ARHGEF17: variants seen among roughly 807,000 people sequenced by gnomAD.
ARHGEF17 encodes 164 kDa Rho-specific guanine-nucleotide exchange factor.
ARHGEF17 carries 80 observed loss-of-function variants against 174.0 expected under a neutral mutation model. The ratio of observed to expected loss-of-function variants is 0.46; its 90% CI spans 0.38 to 0.55. ARHGEF17 has a LOEUF of 0.55. Among genes scored for constraint, ARHGEF17 ranks in the 20% least tolerant of loss-of-function variants. The pLI, the probability that ARHGEF17 is intolerant of heterozygous loss-of-function variation, is 0.00. For synonymous variants in ARHGEF17, 1,311 were observed against 1,189.1 expected, an observed-to-expected ratio of 1.10 and a Z score of -2.11; for missense variants, 2,886 against 2,839.7, an observed-to-expected ratio of 1.02 and a Z score of -0.37.
chr11:73,311,656 C>T lies in ARHGEF17; in HGVS notation c.3018C>T (p.Val1006=). 2.5e-6 allele frequency: 4 copies of T among 1,613,452 alleles called. No homozygotes were observed. The highest frequency in any genetic ancestry group is 3.4e-6 in the Non-Finnish European group (4 of 1,180,016). The change falls in exon 1 of 21, where the codon GTC becomes GTT. Residue 1006 remains valine (V), a synonymous_variant. Transcript: ENST00000263674. ...PTLQAPSLED[V]TKQYMLNLHS... ...TGCAGGCACCATCGCTCGAGGACGT[C>T]ACCAAGCAGTACATGCTGAACCTGC...
chr11:73,322,689 G>A (rs1865035428), intron 1 of ARHGEF17, among the ~76,000 whole-genome samples: 1 of 152,132 alleles, frequency 6.6e-6, no homozygotes, highest in Non-Finnish European at 1.5e-5. Context: ...GGCTCTGTGT[G>A]GGCAGGAACC....
At position 73,334,735 on chromosome 11, in the gene ARHGEF17, C is replaced by T. The variant is rs555889615; in HGVS notation, c.3193-12148C>T. On this transcript the variant is annotated intron_variant, in intron 1 of 20. Coordinates refer to ENST00000263674, the MANE Select transcript of ARHGEF17 (RefSeq NM_014786.4). ...CCAGAGGCAGGACACCCCATCCCAC[C>T]GACAACACATGACTGCAGCCCTTCC... Among the ~76,000 whole-genome samples, 10 of 152,302 alleles carry T rather than the reference C, an allele frequency of 6.6e-5. No individual in the cohort carries two copies. In the South Asian group the frequency reaches 1.9e-3, roughly 28 times the overall value.
In ARHGEF17 at chr11:73,355,653, C is replaced by CT; in HGVS notation, c.3570+5dup. 1 of 1,612,376 alleles carries CT rather than the reference C, an allele frequency of 6.2e-7. No homozygotes were observed. The highest frequency in any genetic ancestry group is 8.5e-7 in the Non-Finnish European group (1 of 1,178,384). On this transcript the variant is annotated splice_donor_region_variant and intron_variant, in intron 4 of 20. Coordinates refer to ENST00000263674, the MANE Select transcript of ARHGEF17 (RefSeq NM_014786.4). ...TGCCTTTCTCAAGTTCCTAGAGGTA[C>CT]TGTGGGCTAGGGCAGGGGGATGGAG... is the stretch of plus-strand genomic sequence containing the variant.
In ARHGEF17 at chr11:73,352,999, T is replaced by C. The variant is rs1865580884; in HGVS notation, c.3440T>C (p.Leu1147Pro). The C allele has an allele frequency of 1.1e-5, 17 of 1,613,632 alleles. No homozygotes were observed. The highest frequency in any genetic ancestry group is 1.4e-5 in the Non-Finnish European group (17 of 1,179,914). ...TWHAQQKVGA[L>P]LVQSFSKDVL... is the part of the protein sequence containing the mutation. ...CATGCCCAGCAGAAGGTGGGAGCCC[T>C]GCTCGTCCAGTCGGTGAGTGGCCCC... The change falls in exon 3 of 21, where the codon CTG becomes CCG. Residue 1147 changes from leucine to proline, a missense_variant. This residue lies in a region of ARHGEF17 where 353 missense variants were observed against 470.3 expected (regional missense o/e 0.75). Transcript: ENST00000263674.
In ARHGEF17 at chr11:73,368,934, G is replaced by A. The variant is rs7941389; in HGVS notation, c.*1154G>A. ...AAACTCCAAAGGTTTGGTTTCAGAT[G>A]GGGTTTGTTTTGTTCTGTTTGGTTT... On this transcript the variant is annotated 3_prime_UTR_variant, in exon 21 of 21. Transcript: ENST00000263674. 1 of 152,292 alleles carries A rather than the reference G, an allele frequency of 6.6e-6. No individual in the cohort carries two copies. The highest frequency in any genetic ancestry group is 1.9e-4 in the East Asian group (1 of 5,192). 9.4% of individuals were successfully genotyped at this position (152,292 alleles called of 1,614,324 possible).
At chr11:73,367,232 G>A (rs550317120) in intron 20 of ARHGEF17, among the ~76,000 whole-genome samples, 3 of 152,306 alleles carry the variant, frequency 2.0e-5, no homozygotes, top group Non-Finnish European at 2.9e-5. Context: ...AGGGCTGTTG[G>A]AAGTAGGAGG....
rs201784237 is a variant in ARHGEF17, at chr11:73,360,431, G to A, written c.4318G>A (p.Ala1440Thr). The A allele has an allele frequency of 2.6e-5, 42 of 1,613,860 alleles. No homozygotes were observed. Among genetic ancestry groups the A allele is most frequent in the Middle Eastern group, 3.3e-4 (2 of 6,084 alleles). The stretch of plus-strand genomic sequence containing the variant: ...CCCGCCAACCAAGCTGGAGCTGTGC[G>A]CCACTCGGCCCGAGGGCACCGACTC... ...SFPPTKLELC[A>T]TRPEGTDSYI... The change falls in exon 11 of 21, where the codon GCC becomes ACC. Residue 1440 changes from alanine (A) to threonine (T), a missense_variant. By Grantham distance (58) the Ala-to-Thr change is moderately conservative (BLOSUM62 0). Transcript: ENST00000263674.
rs748621506 is a variant in ARHGEF17, at chr11:73,308,682, C to A, written c.44C>A (p.Ser15Ter). The A allele has an allele frequency of 1.3e-5, 20 of 1,520,512 alleles. No homozygotes were observed. The African/African-American group carries it at 2.7e-4, about 21-fold the overall frequency. 94.2% of individuals were successfully genotyped at this position (1,520,512 alleles called of 1,614,324 possible). A position where few individuals can be genotyped will look rare whatever the true frequency, so the allele number is the denominator to read the frequency against. Residue 15 changes from serine to a stop codon, truncating the protein, a stop_gained, in exon 1 of 21, where the codon TCG becomes TAG. Transcript: ENST00000263674. LOFTEE classifies it high-confidence loss of function. ...CGGCCCCAGCTTTACCGCAGCGTCT[C>A]GTTCAAGCTGCTGGAGCGCTGGAGC... ...APRPQLYRSV[S>*]FKLLERWSGG...
rs533573727 is a variant in ARHGEF17, at chr11:73,312,212, CT to C, written c.3192+383del. 2.0e-5 allele frequency among the ~76,000 whole-genome samples: 3 copies of C among 152,318 alleles called. No individual in the cohort carries two copies. The South Asian group carries it at 6.2e-4, about 32-fold the overall frequency. ...ACCCAGCGCAGGCTCAGTCCTTTCT[CT>C]GAGGCTTGCTACTCTGTTGGCCAGA... On this transcript the variant is annotated intron_variant, in intron 1 of 20. Coordinates refer to ENST00000263674, the MANE Select transcript of ARHGEF17 (RefSeq NM_014786.4).
At chr11:73,352,662 C>A (rs1865573669) in intron 2 of ARHGEF17, among the ~76,000 whole-genome samples, 168 bp from the exon 3 acceptor site, 1 of 152,210 alleles carries the variant, frequency 6.6e-6, no homozygotes, top group Non-Finnish European at 1.5e-5. Flanking sequence ...GAGCTTAGAT[C>A]TTCCCATCTC....
intron 1 of ARHGEF17, among the ~76,000 whole-genome samples, chr11:73,340,945 A>G (rs1202165507): frequency 6.6e-6 from 1 of 152,204 alleles, no homozygotes; most frequent in Admixed American, 6.5e-5. Flanking sequence ...TTGGGAGGGT[A>G]AGAGGCAGAG....
chr11:73,331,591 T>TG (rs1865204262), intron 1 of ARHGEF17, among the ~76,000 whole-genome samples: 1 of 141,918 alleles, frequency 7.0e-6, no homozygotes, highest in Admixed American at 6.9e-5. Context: ...CTCCCACCCC[T>TG]GGGGGCCTGG....
intron 1 of ARHGEF17, among the ~76,000 whole-genome samples, chr11:73,339,668 A>G (rs1865339886): frequency 6.6e-6 from 1 of 152,158 alleles, no homozygotes; most frequent in Non-Finnish European, 1.5e-5. Context: ...AGTTGTTAGC[A>G]GATTGGGCAG....
intron 1 of ARHGEF17, among the ~76,000 whole-genome samples, chr11:73,342,404 T>G (rs749316994): frequency 6.6e-6 from 1 of 152,146 alleles, no homozygotes; most frequent in Non-Finnish European, 1.5e-5. Context: ...TGCACATCTC[T>G]AAATGTCCGA....
At chr11:73,361,888 T>G in intron 12 of ARHGEF17, 152 bp from the exon 13 acceptor site, 3 of 800,570 alleles carry the variant, frequency 3.7e-6, no homozygotes, top group Non-Finnish European at 5.7e-6. Context: ...CGCGTGTATG[T>G]GTACGCGTGT....
At chr11:73,354,303 G>A (rs1342352632) in intron 3 of ARHGEF17, among the ~76,000 whole-genome samples, 4 of 152,234 alleles carry the variant, frequency 2.6e-5, no homozygotes, top group Non-Finnish European at 5.9e-5. Flanking sequence ...ACCCGGAGGG[G>A]TCAGCACAGG....
intron 20 of ARHGEF17, 65 bp downstream of exon 20, chr11:73,366,012 C>A (rs1289713210): frequency 1.3e-6 from 2 of 1,548,326 alleles, no homozygotes. Flanking sequence ...TCCCCACTAT[C>A]CTGCCAGAAG....
chr11:73,349,795 G>A (rs1865523599), intron 2 of ARHGEF17, among the ~76,000 whole-genome samples: 1 of 152,186 alleles, frequency 6.6e-6, no homozygotes. Flanking sequence ...AGGACCTGTG[G>A]GTGGAGGAAG....
intron 20 of ARHGEF17, among the ~76,000 whole-genome samples, chr11:73,367,142 G>A (rs907303873): frequency 6.6e-6 from 1 of 152,220 alleles, no homozygotes; most frequent in African/African-American, 2.4e-5. Context: ...CCAAGAGGAA[G>A]TGGCTGTGGA....
Sources: gnomAD v4.1 joint callset for allele counts (sites outside exome capture counted in the v4.1 genomes callset) on GRCh38, gnomAD v4.1.1 for gene constraint, gnomAD v4.1.1 regional missense constraint, MANE v1.5 for transcripts, NCBI Gene and HGNC (gene_info 2026-07-23, HGNC 2026-07-21) for gene names.